The following GALNTL6 variants were observed in gnomAD, a reference collection of about 807,000 sequenced individuals.
The protein encoded by GALNTL6 is polypeptide N-acetylgalactosaminyltransferase like 6, also known as polypeptide N-acetylgalactosaminyltransferase-like 6.
In GALNTL6, 46 loss-of-function variants were observed where a neutral mutation model predicts 73.7. That is an observed-to-expected ratio of 0.62 (90% CI 0.49 to 0.80). The LOEUF (loss-of-function observed/expected upper bound fraction) is 0.80, where lower values mean the gene tolerates loss of function less well. Among genes scored for constraint, GALNTL6 ranks in the 30% least tolerant of loss-of-function variants. GALNTL6 has a pLI of 0.00. For synonymous variants in GALNTL6, 259 were observed against 263.7 expected (o/e 0.98, Z 0.17); for missense variants, 604 against 755.0 (o/e 0.80, Z 2.34).
chr4:172,820,989 C>A (rs148387706), intron 7 of GALNTL6, among the ~76,000 whole-genome samples: 208 of 152,304 alleles, frequency 1.4e-3, no homozygotes, highest in African/African-American at 4.3e-3. Context: ...ACAACCACAA[C>A]CACAGATCTT....
At chr4:172,774,044 G>T (rs1431191833) in intron 5 of GALNTL6, among the ~76,000 whole-genome samples, 1 of 152,130 alleles carries the variant, frequency 6.6e-6, no homozygotes. Context: ...ATGATTTATT[G>T]TGAAAGTTCA....
At chr4:172,141,416 T>C (rs151288629) in intron 2 of GALNTL6, among the ~76,000 whole-genome samples, 1 of 152,172 alleles carries the variant, frequency 6.6e-6, no homozygotes, top group African/African-American at 2.4e-5. Flanking sequence ...CAATCCGTCA[T>C]TTGTCAGATG....
intron 5 of GALNTL6, among the ~76,000 whole-genome samples, chr4:172,613,944 A>G (rs1183480621): frequency 6.6e-6 from 1 of 152,124 alleles, no homozygotes; most frequent in East Asian, 1.9e-4. Context: ...CAAAGAAAAG[A>G]TTTCTTCCAA....
intron 5 of GALNTL6, among the ~76,000 whole-genome samples, chr4:172,761,064 A>G (rs1272776750): frequency 6.6e-6 from 1 of 152,200 alleles, no homozygotes; most frequent in Non-Finnish European, 1.5e-5. Flanking sequence ...AAATCTAGGG[A>G]GAGAATAAAT....
At chr4:172,116,059 G>A (rs909465946) in intron 2 of GALNTL6, among the ~76,000 whole-genome samples, 3 of 151,908 alleles carry the variant, frequency 2.0e-5, no homozygotes, top group African/African-American at 7.2e-5. Context: ...TTAAAAATGA[G>A]TTGATGTCTA....
intron 5 of GALNTL6, among the ~76,000 whole-genome samples, chr4:172,774,603 G>T (rs1366453083): frequency 1.3e-5 from 2 of 152,176 alleles, no homozygotes; most frequent in Non-Finnish European, 1.5e-5. Flanking sequence ...TTGCATGTCA[G>T]TTGGGCTGGG....
intron 8 of GALNTL6, among the ~76,000 whole-genome samples, chr4:172,893,583 A>G (rs1746164879): frequency 6.6e-6 from 1 of 152,194 alleles, no homozygotes; most frequent in South Asian, 2.1e-4. Context: ...GTGACCAGGC[A>G]GGCAGTCTTG....
Position 172,698,755 on chromosome 4 carries a change from C to A in GALNTL6, c.554-110606C>A, listed in dbSNP as rs568317042. Among the ~76,000 whole-genome samples the A allele has an allele frequency of 9.2e-5, 14 of 152,202 alleles. No individual in the cohort carries two copies. In the South Asian group the frequency reaches 2.9e-3, roughly 32 times the overall value. ...CCTAAGGAGGTATCCTCCTGCTCCT[C>A]CCCACTAAAAGCAAAGAGGTGAGAT... On this transcript the variant is annotated intron_variant, in intron 5 of 12. Coordinates refer to ENST00000506823, the MANE Select transcript of GALNTL6 (RefSeq NM_001034845.3).
chr4:172,107,111 G>T (rs1031462516), intron 2 of GALNTL6, among the ~76,000 whole-genome samples: 3 of 152,146 alleles, frequency 2.0e-5, no homozygotes, highest in Non-Finnish European at 2.9e-5. Flanking sequence ...GACCTCAGGT[G>T]ATCTGCCCGC....
intron 5 of GALNTL6, among the ~76,000 whole-genome samples, chr4:172,457,860 T>C (rs1014076538): frequency 6.6e-6 from 1 of 152,018 alleles, no homozygotes; most frequent in Admixed American, 6.6e-5. Flanking sequence ...ACTAAGCAGA[T>C]CTAACAGACA....
chr4:172,733,209 G>A (rs2111395093), intron 5 of GALNTL6, among the ~76,000 whole-genome samples: 1 of 152,262 alleles, frequency 6.6e-6, no homozygotes, highest in African/African-American at 2.4e-5. Flanking sequence ...ACATTTCTGG[G>A]TGGCAGTTTT....
chr4:172,615,321 A>C (rs1047881735), intron 5 of GALNTL6, among the ~76,000 whole-genome samples: 3 of 152,144 alleles, frequency 2.0e-5, no homozygotes, highest in Admixed American at 6.6e-5. Context: ...TTTATTAAAA[A>C]TGAATCTCTT....
intron 3 of GALNTL6, among the ~76,000 whole-genome samples, chr4:172,301,299 T>C (rs1739908821): frequency 6.6e-6 from 1 of 152,174 alleles, no homozygotes; most frequent in African/African-American, 2.4e-5. Context: ...TAAACTTCTT[T>C]GCCATGGGTT....
At chr4:172,070,037 A>G (rs1579108219) in intron 2 of GALNTL6, among the ~76,000 whole-genome samples, 1 of 109,064 alleles carries the variant, frequency 9.2e-6, no homozygotes, top group East Asian at 2.1e-4. Flanking sequence ...TAGTATAGGA[A>G]AATGTGAGCT....
Position 172,813,576 on chromosome 4 carries a change from C to T in GALNTL6, c.776C>T (p.Pro259Leu). Residue 259 changes from proline to leucine, a missense_variant, in exon 7 of 13, where the codon CCC (proline) becomes CTC (leucine). By Grantham distance (98) the Pro-to-Leu change is moderately conservative (BLOSUM62 -3). Coordinates refer to ENST00000506823, the MANE Select transcript of GALNTL6 (RefSeq NM_001034845.3). ...CTAAACCACAAAACCATCGTGTGTC[C>T]CATGATCGATGTCATTGACCACAAT... ...IALNHKTIVCPMIDVIDHNHF... is the reference protein window; with the variant it reads ...IALNHKTIVCLMIDVIDHNHF... The T allele has an allele frequency of 6.2e-7, 1 of 1,611,930 alleles. No homozygotes were observed. The highest frequency in any genetic ancestry group is 8.5e-7 in the Non-Finnish European group (1 of 1,178,456).
chr4:172,499,737 C>T lies in GALNTL6; in HGVS notation c.553+151048C>T, dbSNP rs536540354. 8.2e-4 allele frequency among the ~76,000 whole-genome samples: 125 copies of T among 152,208 alleles called. 2 individuals are homozygous for T. The highest frequency in any genetic ancestry group is 4.4e-4 in the Non-Finnish European group (30 of 68,012). On this transcript the variant is annotated intron_variant, in intron 5 of 12. Transcript: ENST00000506823. Reference sequence around the variant, plus strand: ...CAACAAATGAAAATACAGAAAATCTCACCAAAGAAATAGAAGCTATTTACA... The same window carrying T: ...CAACAAATGAAAATACAGAAAATCTTACCAAAGAAATAGAAGCTATTTACA...
chr4:172,172,725 G>A (rs1027895123), intron 2 of GALNTL6, among the ~76,000 whole-genome samples: 1 of 152,178 alleles, frequency 6.6e-6, no homozygotes, highest in Admixed American at 6.6e-5. Context: ...ACATCTTGGA[G>A]TCAACATCTC....
intron 2 of GALNTL6, among the ~76,000 whole-genome samples, chr4:172,220,850 G>A (rs1736647836): frequency 6.6e-6 from 1 of 151,734 alleles, no homozygotes; most frequent in South Asian, 2.1e-4. Flanking sequence ...ACAATGTTGA[G>A]GTCTTATCTA....
intron 5 of GALNTL6, among the ~76,000 whole-genome samples, chr4:172,575,979 C>T (rs1044121901): frequency 6.6e-6 from 1 of 152,174 alleles, no homozygotes; most frequent in African/African-American, 2.4e-5. Flanking sequence ...ACAAAAGTTA[C>T]TGGCATTTGT....
Sources: allele counts gnomAD v4.1 joint callset (sites outside exome capture counted in the v4.1 genomes callset), GRCh38; gene constraint gnomAD v4.1.1; transcripts MANE v1.5; gene names NCBI Gene and HGNC (gene_info 2026-07-23, HGNC 2026-07-21).